The following MYT1L variants were observed in gnomAD, a reference collection of about 807,000 sequenced individuals.
The protein encoded by MYT1L is myelin transcription factor 1 like.
A neutral mutation model predicts 126.7 loss-of-function variants in MYT1L; 12 were observed. The ratio of observed to expected loss-of-function variants is 0.09; its 90% confidence interval spans 0.06 to 0.15. MYT1L has a LOEUF of 0.15. MYT1L is among the 10% of genes least tolerant of loss of function. MYT1L has a pLI of 1.00. For missense variants in MYT1L, 979 were observed against 1,585.2 expected (o/e 0.62, Z 6.49); for synonymous variants, 541 against 604.2 (o/e 0.90, Z 1.53).
intron 2 of MYT1L, among the ~76,000 whole-genome samples, chr2:2,248,518 C>A (rs147317356): frequency 1.5e-4 from 23 of 152,242 alleles, no homozygotes; most frequent in Admixed American, 9.8e-4. Flanking sequence ...TACTTCCAAA[C>A]TCCTTCTATG....
intron 18 of MYT1L, among the ~76,000 whole-genome samples, chr2:1,866,841 G>T (rs1403480986): frequency 7.8e-6 from 1 of 128,884 alleles, no homozygotes; most frequent in African/African-American, 3.0e-5. Context: ...GAGAGAGAGA[G>T]GCCGTCAGAG....
At chr2:2,140,732 C>T (rs2083852077) in intron 3 of MYT1L, among the ~76,000 whole-genome samples, 1 of 152,048 alleles carries the variant, frequency 6.6e-6, no homozygotes, top group Non-Finnish European at 1.5e-5. Context: ...CACGCCCGGC[C>T]TAATTTTTGT....
intron 3 of MYT1L, among the ~76,000 whole-genome samples, chr2:2,078,717 G>A (rs2075487501): frequency 6.6e-6 from 1 of 152,182 alleles, no homozygotes; most frequent in African/African-American, 2.4e-5. Flanking sequence ...TAAGGGGATA[G>A]ACAATAAAAA....
chr2:2,053,261 G>C (rs2069064383), intron 4 of MYT1L, among the ~76,000 whole-genome samples: 1 of 152,182 alleles, frequency 6.6e-6, no homozygotes, highest in Admixed American at 6.5e-5. Context: ...GTGTGGGGGA[G>C]GCCTGGGGAG....
At chr2:2,287,990 T>A (rs2095547230) in intron 1 of MYT1L, among the ~76,000 whole-genome samples, 2 of 152,220 alleles carry the variant, frequency 1.3e-5, no homozygotes, top group Non-Finnish European at 2.9e-5. Flanking sequence ...TCTAGAATAT[T>A]TACTCACCCC....
intron 3 of MYT1L, among the ~76,000 whole-genome samples, chr2:2,150,042 G>A (rs571539107): frequency 3.3e-5 from 5 of 152,178 alleles, no homozygotes; most frequent in African/African-American, 9.6e-5. Flanking sequence ...CTCTCACCTC[G>A]CCTCTCTCTT....
At chr2:1,948,696 C>CACTGTGTCCTCGT (rs2057462967) in intron 8 of MYT1L, among the ~76,000 whole-genome samples, 4 of 151,846 alleles carry the variant, frequency 2.6e-5, no homozygotes, top group African/African-American at 9.7e-5. Context: ...AAGGGCTCAG[C>CACTGTGTCCTCGT]CCAGGACCTC....
chr2:1,975,951 A>T (rs2060145346), intron 8 of MYT1L, among the ~76,000 whole-genome samples: 1 of 152,168 alleles, frequency 6.6e-6, no homozygotes, highest in African/African-American at 2.4e-5. Flanking sequence ...TACATTGCTG[A>T]TGCCCTACAT....
At chr2:1,898,479 A>G (rs2148922711) in intron 14 of MYT1L, among the ~76,000 whole-genome samples, 1 of 152,344 alleles carries the variant, frequency 6.6e-6, no homozygotes, top group South Asian at 2.1e-4. Context: ...AAGGGCGTCG[A>G]GGTCCAGGTT....
chr2:1,867,699 A>G (rs2045767285), intron 18 of MYT1L, among the ~76,000 whole-genome samples: 1 of 152,056 alleles, frequency 6.6e-6, no homozygotes, highest in Admixed American at 6.5e-5. Context: ...TCTGTCTGCA[A>G]TTCCCCCTCA....
rs1285733872 is a variant in MYT1L at position 1,852,797 on chromosome 2, A to G, written c.2712-1094T>C. Among the ~76,000 whole-genome samples, 1 of 152,242 alleles carries G rather than the reference A, an allele frequency of 6.6e-6. No homozygotes were observed. The highest frequency in any genetic ancestry group is 2.4e-5 in the African/African-American group (1 of 41,464). On this transcript the variant is annotated intron_variant, in intron 18 of 24. Transcript: ENST00000647738. The surrounding 1 kb of genome is among the most constrained non-coding windows in gnomAD (Gnocchi z 4.0). ...CATACTCCATGCCCCTTCCCACCTCAGTGAGTACCCGAATTCTTGTCAAGA... is the reference window on the plus strand; with the variant it reads ...CATACTCCATGCCCCTTCCCACCTCGGTGAGTACCCGAATTCTTGTCAAGA...
chr2:1,828,197 G>A (rs1265328626), intron 21 of MYT1L: 1 of 152,164 alleles, frequency 6.6e-6, no homozygotes, highest in African/African-American at 2.4e-5. Flanking sequence ...AGAGGCAAGA[G>A]AGCATGCAGG....
chr2:2,193,619 G>T (rs1232767950), intron 2 of MYT1L, among the ~76,000 whole-genome samples: 1 of 152,160 alleles, frequency 6.6e-6, no homozygotes, highest in Non-Finnish European at 1.5e-5. Context: ...CTCATCTTTG[G>T]TATGCCACTT....
intron 3 of MYT1L, among the ~76,000 whole-genome samples, chr2:2,122,646 A>G (rs1182057921): frequency 6.6e-6 from 1 of 152,222 alleles, no homozygotes; most frequent in Non-Finnish European, 1.5e-5. Context: ...ATTGTTGTAT[A>G]GTCTTGGGCC....
Position 1,801,646 on chromosome 2 carries a change from G to T in MYT1L, c.3276+50C>A. On this transcript the variant is annotated intron_variant, in intron 23 of 24. Transcript: ENST00000647738. The surrounding 1 kb of genome is among the most constrained non-coding windows in gnomAD (Gnocchi z 4.2). ...GCTGATTTCATGCCATGTATCTCTG[G>T]TATAATGGCGCGTGTTAGAGCTAAA... The T allele has an allele frequency of 1.8e-6, 2 of 1,121,888 alleles. No homozygotes were observed. Among genetic ancestry groups the T allele is most frequent in the Admixed American group, 1.9e-5 (1 of 52,336 alleles). The allele number at this position is 1,121,888 out of a possible 1,614,324, so 69.5% of individuals were successfully genotyped here. A position where few individuals can be genotyped will look rare whatever the true frequency, so the allele number is the denominator to read the frequency against.
At chr2:2,156,374 G>GC (rs1425831483) in intron 3 of MYT1L, among the ~76,000 whole-genome samples, 3 of 152,208 alleles carry the variant, frequency 2.0e-5, no homozygotes, top group Non-Finnish European at 4.4e-5. Context: ...ACAGGTTGCA[G>GC]CCCCCAACAG....
At chr2:2,199,386 C>A (rs1289961574) in intron 2 of MYT1L, among the ~76,000 whole-genome samples, 1 of 152,196 alleles carries the variant, frequency 6.6e-6, no homozygotes, top group African/African-American at 2.4e-5. Context: ...ATTTGATGGC[C>A]TTCCCTGCCA....
intron 1 of MYT1L, among the ~76,000 whole-genome samples, chr2:2,319,810 C>T (rs1384240252): frequency 6.6e-6 from 1 of 151,346 alleles, no homozygotes; most frequent in Non-Finnish European, 1.5e-5. Flanking sequence ...CACACATTAC[C>T]TGACTTTTTG....
chr2:2,161,991 A>G (rs1196550152), intron 3 of MYT1L, among the ~76,000 whole-genome samples: 1 of 152,184 alleles, frequency 6.6e-6, no homozygotes, highest in Non-Finnish European at 1.5e-5. Flanking sequence ...AAGCAGGCAC[A>G]CTTGGTGGCG....
Sources: gnomAD v4.1 joint callset for allele counts (sites outside exome capture counted in the v4.1 genomes callset) on GRCh38, gnomAD v4.1.1 for gene constraint, Gnocchi (gnomAD v3.1) non-coding constraint, MANE v1.5 for transcripts, NCBI Gene and HGNC (gene_info 2026-07-23, HGNC 2026-07-21) for gene names.